The following KHDRBS2 variants were observed in gnomAD, a reference collection of about 807,000 sequenced individuals.
KHDRBS2 encodes the protein KH domain-containing, RNA-binding, signal transduction-associated protein 2.
In KHDRBS2, 26 loss-of-function variants were observed where a neutral mutation model predicts 44.3. The ratio of observed to expected loss-of-function variants is 0.59; its 90% CI spans 0.43 to 0.81. The LOEUF (loss-of-function observed/expected upper bound fraction) is 0.81, where lower values mean the gene tolerates loss of function less well. Among genes scored for constraint, KHDRBS2 ranks in the 40% least tolerant of loss-of-function variants. KHDRBS2 has a pLI of 0.00. For synonymous variants in KHDRBS2, 194 were observed against 151.1 expected (o/e 1.28, Z -2.08); for missense variants, 476 against 433.1 (o/e 1.10, Z -0.88).
chr6:61,589,883 G>A, the KHDRBS2 span, among the ~76,000 whole-genome samples: 14 of 152,192 alleles, frequency 9.2e-5, no homozygotes, highest in Admixed American at 4.6e-4. Flanking sequence ...AGTCAGTCCC[G>A]TTCACCAACA....
At chr6:62,243,719 T>C (rs1835074573) in intron 1 of KHDRBS2, among the ~76,000 whole-genome samples, 2 of 151,868 alleles carry the variant, frequency 1.3e-5, no homozygotes, top group East Asian at 3.9e-4. Flanking sequence ...ATCCTGAGGG[T>C]TCAAAAACCA....
At chr6:62,231,102 A>G (rs1049888694) in intron 1 of KHDRBS2, among the ~76,000 whole-genome samples, 1 of 152,190 alleles carries the variant, frequency 6.6e-6, no homozygotes, top group Non-Finnish European at 1.5e-5. Context: ...ATTTAATATA[A>G]TATTAGAAAT....
intron 2 of KHDRBS2, among the ~76,000 whole-genome samples, chr6:62,154,660 G>A (rs1220372825): frequency 6.6e-6 from 1 of 152,090 alleles, no homozygotes; most frequent in Non-Finnish European, 1.5e-5. Context: ...CATGGATAAA[G>A]GAGTTAAAAA....
rs565198130 is a variant in KHDRBS2, at chr6:62,068,478, C to T, written c.220-20484G>A. Among the ~76,000 whole-genome samples the T allele has an allele frequency of 5.4e-4, 82 of 151,358 alleles. 1 individual carries two copies. The South Asian group carries it at 0.011, about 21-fold the overall frequency. On this transcript the variant is annotated intron_variant, in intron 2 of 8. Transcript: ENST00000281156. ...TTGGGCTGTGTTTTCATTTTCTTGACGGCTGTCATTTATAGCACAAACTTT... is the reference window on the plus strand; with the variant it reads ...TTGGGCTGTGTTTTCATTTTCTTGATGGCTGTCATTTATAGCACAAACTTT...
At chr6:61,894,539 A>G in intron 6 of KHDRBS2, 96 bp downstream of exon 6, 1 of 933,278 alleles carries the variant, frequency 1.1e-6, no homozygotes, top group Non-Finnish European at 1.6e-6. Context: ...AACAAACATT[A>G]CCTGCTATAT....
intron 2 of KHDRBS2, among the ~76,000 whole-genome samples, chr6:62,091,607 A>G (rs1401180340): frequency 6.6e-6 from 1 of 152,182 alleles, no homozygotes; most frequent in East Asian, 1.9e-4. Flanking sequence ...AATTACCAAC[A>G]AATAATAGAT....
the KHDRBS2 span, among the ~76,000 whole-genome samples, chr6:61,584,683 A>G: frequency 1.3e-5 from 2 of 151,894 alleles, no homozygotes; most frequent in East Asian, 1.9e-4. Context: ...GAATAAAAAT[A>G]TGGTAGCAAT....
At chr6:62,213,758 C>T (rs1306629597) in intron 1 of KHDRBS2, among the ~76,000 whole-genome samples, 1 of 151,350 alleles carries the variant, frequency 6.6e-6, no homozygotes, top group African/African-American at 2.4e-5. Flanking sequence ...CCCGTAGTCC[C>T]AGCTATTCCG....
chr6:61,947,219 T>G (rs1813557842), intron 4 of KHDRBS2, among the ~76,000 whole-genome samples: 1 of 152,176 alleles, frequency 6.6e-6, no homozygotes, highest in South Asian at 2.1e-4. Flanking sequence ...TGGAGGTTCG[T>G]GCTCATCAGT....
chr6:61,671,798 C>T, the KHDRBS2 span, among the ~76,000 whole-genome samples: 2 of 151,650 alleles, frequency 1.3e-5, no homozygotes, highest in Non-Finnish European at 3.0e-5. Context: ...ATGGCTTATA[C>T]AAGTATATTT....
chr6:61,664,018 G>A, the KHDRBS2 span, among the ~76,000 whole-genome samples: 1 of 151,652 alleles, frequency 6.6e-6, no homozygotes, highest in Non-Finnish European at 1.5e-5. Context: ...ATCAAAACAG[G>A]GTTAAAATAG....
At chr6:62,089,964 C>A (rs1022650720) in intron 2 of KHDRBS2, among the ~76,000 whole-genome samples, 2 of 152,054 alleles carry the variant, frequency 1.3e-5, no homozygotes, top group Non-Finnish European at 2.9e-5. Flanking sequence ...ACTGCAACGT[C>A]TGCATGTTGA....
intron 2 of KHDRBS2, among the ~76,000 whole-genome samples, chr6:62,113,070 A>G (rs1484590770): frequency 2.0e-5 from 3 of 152,256 alleles, no homozygotes; most frequent in Non-Finnish European, 4.4e-5. Flanking sequence ...AAAGCCAATG[A>G]AGCTGCCCAG....
At position 61,998,124 on chromosome 6, in the gene KHDRBS2, T is replaced by G. The variant is rs562252530; in HGVS notation, c.337-19912A>C. ...ACTGGAAATAAAATACATTTACTTT[T>G]AAATACATTTAGTTAAATGAAGAAC... is the stretch of plus-strand genomic sequence containing the variant. On this transcript the variant is annotated intron_variant, in intron 3 of 8. Coordinates refer to ENST00000281156, the MANE Select transcript of KHDRBS2 (RefSeq NM_152688.4). 2.1e-3 allele frequency among the ~76,000 whole-genome samples: 326 copies of G among 152,294 alleles called. 1 individual carries two copies. Among genetic ancestry groups the G allele is most frequent in the African/African-American group, 7.4e-3 (306 of 41,574 alleles).
chr6:62,240,708 AT>A (rs1834518843), intron 1 of KHDRBS2, among the ~76,000 whole-genome samples: 3 of 137,848 alleles, frequency 2.2e-5, no homozygotes, highest in African/African-American at 5.3e-5. Flanking sequence ...ATATATATAT[AT>A]ATATATATAA....
intron 2 of KHDRBS2, among the ~76,000 whole-genome samples, chr6:62,058,398 T>G (rs930247693): frequency 2.0e-5 from 3 of 151,958 alleles, no homozygotes; most frequent in African/African-American, 7.2e-5. Flanking sequence ...TCCATCATAT[T>G]CCTGATTTGG....
In KHDRBS2 at chr6:61,732,769, GA is replaced by G. The variant is rs1562053986; in HGVS notation, c.811-6del. Reference sequence around the variant, plus strand: ...CCCGTAGCCATCATCATAACCCTGAGACAAAAAAATGGTAGAAACACCTGTT... The same window carrying G: ...CCCGTAGCCATCATCATAACCCTGAGCAAAAAAATGGTAGAAACACCTGTT... On this transcript the variant is annotated splice_polypyrimidine_tract_variant and splice_region_variant and intron_variant, in intron 6 of 8. Transcript: ENST00000281156. The G allele has an allele frequency of 6.4e-7, 1 of 1,564,946 alleles. No individual in the cohort carries two copies. The highest frequency in any genetic ancestry group is 8.8e-7 in the Non-Finnish European group (1 of 1,136,820).
the KHDRBS2 span, among the ~76,000 whole-genome samples, chr6:61,591,576 C>T: frequency 2.6e-5 from 4 of 152,022 alleles, no homozygotes; most frequent in African/African-American, 9.7e-5. Context: ...TCTAGTAACT[C>T]CCTCTTTTCC....
At chr6:61,696,645 G>A (rs1767945601) in intron 8 of KHDRBS2, among the ~76,000 whole-genome samples, 1 of 151,976 alleles carries the variant, frequency 6.6e-6, no homozygotes, top group African/African-American at 2.4e-5. Flanking sequence ...TCTTAACTGA[G>A]TATAATTATG....
Sources: allele counts gnomAD v4.1 joint callset (sites outside exome capture counted in the v4.1 genomes callset), GRCh38; gene constraint gnomAD v4.1.1; transcripts MANE v1.5; gene names NCBI Gene and HGNC (gene_info 2026-07-23, HGNC 2026-07-21).